Variants in CUL7 observed in about 807,000 individuals in gnomAD.
CUL7 encodes the protein cullin 7.
In CUL7, 96 loss-of-function variants were observed where a neutral mutation model predicts 177.7. The observed-to-expected ratio is 0.54, with a 90% CI of 0.46 to 0.64. The LOEUF is 0.64. Ranked by LOEUF, CUL7 falls within the 30% of genes least tolerant of loss-of-function variation. The pLI is 0.00. For synonymous variants in CUL7, 824 were observed against 890.2 expected (o/e 0.93, Z 1.32); for missense variants, 1,893 against 2,187.9 (o/e 0.87, Z 2.69).
chr6:43,041,865 G>A lies in CUL7; in HGVS notation c.3646-790C>T, dbSNP rs560706885. ...CTAAAAATACAAAAATTGGCTGGGCGTGGTAGCATGCACCTGTAATCCCAG... is the reference window on the plus strand; with the variant it reads ...CTAAAAATACAAAAATTGGCTGGGCATGGTAGCATGCACCTGTAATCCCAG... On this transcript the variant is annotated intron_variant, in intron 19 of 25. Coordinates refer to ENST00000265348, the MANE Select transcript of CUL7 (RefSeq NM_014780.5). 4.6e-5 allele frequency among the ~76,000 whole-genome samples: 7 copies of A among 152,036 alleles called. No individual in the cohort carries two copies. In the South Asian group the frequency reaches 6.2e-4, roughly 14 times the overall value.
chr6:43,045,370 C>G lies in CUL7; in HGVS notation c.2895G>C (p.Glu965Asp). ...GGIDTRIRGLEILGPKPTFWP... is the reference protein window; with the variant it reads ...GGIDTRIRGLDILGPKPTFWP... ...AGAACGTGGGCTTGGGGCCTAGGAT[C>G]TCTAACCCCCGAATGCGCGTATCAA... Residue 965 changes from glutamate to aspartate, a missense_variant, in exon 15 of 26, where the codon GAG (glutamate) becomes GAC (aspartate). This residue lies in a region of CUL7 where 973 missense variants were observed against 1,140.9 expected (regional missense o/e 0.85). Transcript: ENST00000265348. This position sits in a 1 kb window ranked among gnomAD's most constrained non-coding sequence, Gnocchi z 4.8. The G allele has an allele frequency of 1.2e-6, 2 of 1,614,238 alleles. No homozygotes were observed. Among genetic ancestry groups the G allele is most frequent in the Non-Finnish European group, 1.7e-6 (2 of 1,180,046 alleles).
At position 43,051,196 on chromosome 6, in the gene CUL7, C is replaced by T. The variant is rs201310376; in HGVS notation, c.1005G>A (p.Leu335=). 9.3e-5 allele frequency: 150 copies of T among 1,614,200 alleles called. 2 individuals are homozygous for T. In the East Asian group the frequency reaches 3.2e-3, roughly 35 times the overall value. ...CGGGGAGCCCTGGGCTCACATCTGC[C>T]AGCTGAGGCTGGAAGATGGAACCGG... is the stretch of plus-strand genomic sequence containing the variant. ...RSPGSIFQPQ[L]ADVSPGLPAA... Residue 335 remains leucine (L), a synonymous_variant, in exon 4 of 26, where the codon CTG becomes CTA. Transcript: ENST00000265348. The surrounding 1 kb of genome is among the most constrained non-coding windows in gnomAD (Gnocchi z 5.0).
In CUL7 at chr6:43,045,869, C is replaced by G; in HGVS notation, c.2766+117G>C. ...ACAAGCACAGGGATAAAGGACACTA[C>G]TTTCTGTGGGGCTCAAGACAGGTGG... On this transcript the variant is annotated intron_variant, in intron 13 of 25. Transcript: ENST00000265348. This position sits in a 1 kb window ranked among gnomAD's most constrained non-coding sequence, Gnocchi z 4.8. 1 of 1,090,924 alleles carries G rather than the reference C, an allele frequency of 9.2e-7. No individual in the cohort carries two copies. Among genetic ancestry groups the G allele is most frequent in the Non-Finnish European group, 1.4e-6 (1 of 724,934 alleles). The allele number at this position is 1,090,924 out of a possible 1,614,324, so 67.6% of individuals were successfully genotyped here.
Position 43,051,666 on chromosome 6 carries a change from T to C in CUL7, c.678A>G (p.Ala226=). 1 of 1,614,170 alleles carries C rather than the reference T, an allele frequency of 6.2e-7. No homozygotes were observed. Among genetic ancestry groups the C allele is most frequent in the Non-Finnish European group, 8.5e-7 (1 of 1,180,030 alleles). ...TGGGGTGTTCAGAGAGCGTGGCCTG[T>C]GCAAACAGTGCTAGCAGAGCACAGC... ...DSRCALLALF[A]QATLSEHPMS... The change falls in exon 3 of 26, where the codon GCA becomes GCG. Residue 226 remains alanine (A), a synonymous_variant. Coordinates refer to ENST00000265348, the MANE Select transcript of CUL7 (RefSeq NM_014780.5). This position sits in a 1 kb window ranked among gnomAD's most constrained non-coding sequence, Gnocchi z 5.0.
At chr6:43,047,253 CA>C in intron 9 of CUL7, 146 bp from the exon 10 acceptor site, 2 of 661,178 alleles carry the variant, frequency 3.0e-6, no homozygotes. Context: ...AGTGAAAAGA[CA>C]GGGATGGGGA....
At position 43,048,461 on chromosome 6, in the gene CUL7, T is replaced by G; in HGVS notation, c.1934A>C (p.Glu645Ala). The G allele has an allele frequency of 6.2e-7, 1 of 1,614,060 alleles. No homozygotes were observed. The highest frequency in any genetic ancestry group is 8.5e-7 in the Non-Finnish European group (1 of 1,179,980). The change falls in exon 8 of 26, where the codon GAG becomes GCG. Residue 645 changes from glutamate to alanine, a missense_variant. Coordinates refer to ENST00000265348, the MANE Select transcript of CUL7 (RefSeq NM_014780.5). ...LLDLEQALSSEGTQENKVKPL... is the reference protein window; with the variant it reads ...LLDLEQALSSAGTQENKVKPL... ...CTTGACCTTGTTCTCCTGGGTCCCC[T>G]CTGAGCTGAGGGCTTGCTCTAGATC...
rs920269394 is a variant in CUL7, at chr6:43,050,889, G to GC, written c.1233+78dup. ...CTTTCTCTTTGGGTGGCCTGCTGGA[G>GC]CCCCCCCATATAGAAGTCCCAGCTC... is the stretch of plus-strand genomic sequence containing the variant. On this transcript the variant is annotated intron_variant, in intron 4 of 25. Coordinates refer to ENST00000265348, the MANE Select transcript of CUL7 (RefSeq NM_014780.5). This position sits in a 1 kb window ranked among gnomAD's most constrained non-coding sequence, Gnocchi z 4.1. The GC allele has an allele frequency of 3.7e-5, 57 of 1,553,394 alleles. 1 individual carries two copies. Among genetic ancestry groups the GC allele is most frequent in the South Asian group, 1.3e-4 (12 of 89,474 alleles).
In CUL7 at chr6:43,040,322, CTCCTCCTCT is replaced by C. The variant is rs761927982; in HGVS notation, c.4119_4127del (p.Glu1374_Glu1376del). 5.6e-6 allele frequency: 9 copies of C among 1,613,826 alleles called. No individual in the cohort carries two copies. The highest frequency in any genetic ancestry group is 3.3e-4 in the Middle Eastern group (2 of 6,060). ...CCCCTTCATAGTAGAGGTCCTCATT[CTCCTCCTCT>C]TCCTCCTCTCCCTCCGCCACATCCA... On this transcript the variant is annotated inframe_deletion, in exon 22 of 26. Transcript: ENST00000265348. This position sits in a 1 kb window ranked among gnomAD's most constrained non-coding sequence, Gnocchi z 4.2.
Position 43,051,916 on chromosome 6 carries a change from T to TAC in CUL7, c.581-155_581-154dup, listed in dbSNP as rs753634267. The stretch of plus-strand genomic sequence containing the variant: ...GCTAAAATTTGCTAACTTATACACA[T>TAC]ACACACACACACGCACATAAACACG... On this transcript the variant is annotated intron_variant, in intron 2 of 25. Transcript: ENST00000265348. The surrounding 1 kb of genome is among the most constrained non-coding windows in gnomAD (Gnocchi z 5.0). 1.8e-4 allele frequency among the ~76,000 whole-genome samples: 27 copies of TAC among 152,098 alleles called. No individual in the cohort carries two copies. Among genetic ancestry groups the TAC allele is most frequent in the African/African-American group, 5.8e-4 (24 of 41,512 alleles).
rs1763067048 is a variant in CUL7 at position 43,037,766 on chromosome 6, G to C, written c.5019C>G (p.Phe1673Leu). The part of the protein sequence containing the change: ...GSSGPNPPLT[F>L]HTLQIRSRGV... ...CCCGGGAGCGAATCTGTAGGGTATGGAAGGTGAGGGGTGGGTTGGGGCCTG... is the reference window on the plus strand; with the variant it reads ...CCCGGGAGCGAATCTGTAGGGTATGCAAGGTGAGGGGTGGGTTGGGGCCTG... The change falls in exon 26 of 26, where the codon TTC (phenylalanine) becomes TTG (leucine). Residue 1673 changes from phenylalanine (F) to leucine (L), a missense_variant. By Grantham distance (22) the Phe-to-Leu change is conservative. Transcript: ENST00000265348. 1 of 1,589,166 alleles carries C rather than the reference G, an allele frequency of 6.3e-7. No individual in the cohort carries two copies. Among genetic ancestry groups the C allele is most frequent in the East Asian group, 2.3e-5 (1 of 43,728 alleles).
rs899663211 is a variant in CUL7 at position 43,053,795 on chromosome 6, C to G, written c.-182G>C. On this transcript the variant is annotated 5_prime_UTR_variant, in exon 1 of 26. Transcript: ENST00000265348. The surrounding 1 kb of genome is among the most constrained non-coding windows in gnomAD (Gnocchi z 4.1). Reference sequence around the variant, plus strand: ...GAGCTGCACCCGCGTGAGTCGGCAGCCACTGGGGCAGGGTGGGGCCCGGTC... The same window carrying G: ...GAGCTGCACCCGCGTGAGTCGGCAGGCACTGGGGCAGGGTGGGGCCCGGTC... 16 of 1,532,080 alleles carry G rather than the reference C, an allele frequency of 1.0e-5. No individual in the cohort carries two copies. The highest frequency in any genetic ancestry group is 1.4e-5 in the Non-Finnish European group (16 of 1,145,786). 94.9% of individuals were successfully genotyped at this position (1,532,080 alleles called of 1,614,324 possible).
rs776371723 is a variant in CUL7 at position 43,049,960 on chromosome 6, T to C, written c.1569+3A>G. On this transcript the variant is annotated splice_donor_region_variant and intron_variant, in intron 6 of 25. Coordinates refer to ENST00000265348, the MANE Select transcript of CUL7 (RefSeq NM_014780.5). ...CCTCTGAGTGTCTCCAGGCTGGCTC[T>C]ACCTCCCCATCTAGGTTCTCCTGGA... 4 of 1,613,596 alleles carry C rather than the reference T, an allele frequency of 2.5e-6. No homozygotes were observed. Among genetic ancestry groups the C allele is most frequent in the Non-Finnish European group, 2.5e-6 (3 of 1,179,810 alleles).
Position 43,045,186 on chromosome 6 carries a change from C to T in CUL7, c.3038+41G>A, listed in dbSNP as rs1167019422. 1 of 1,598,380 alleles carries T rather than the reference C, an allele frequency of 6.3e-7. No individual in the cohort carries two copies. Among genetic ancestry groups the T allele is most frequent in the Admixed American group, 1.8e-5 (1 of 56,604 alleles). ...TGCCAGCTATTTGCAATAGCCTTAC[C>T]TTTCCCACAGACACAAGCATACACG... On this transcript the variant is annotated intron_variant, in intron 15 of 25. Coordinates refer to ENST00000265348, the MANE Select transcript of CUL7 (RefSeq NM_014780.5). This position sits in a 1 kb window ranked among gnomAD's most constrained non-coding sequence, Gnocchi z 4.8.
At chr6:43,041,106 G>A in intron 19 of CUL7, 31 bp from the exon 20 acceptor site, 1 of 1,611,272 alleles carries the variant, frequency 6.2e-7, no homozygotes, top group Non-Finnish European at 8.5e-7. Context: ...GGAAAGCCAT[G>A]AATGAGCGAG....
rs752825990 is a variant in CUL7, at chr6:43,043,549, C to T, written c.3254G>A (p.Arg1085His). The change falls in exon 17 of 26, where the codon CGC becomes CAC. Residue 1085 changes from arginine (R) to histidine (H), a missense_variant. Arg to His is a conservative substitution (Grantham distance 29). Coordinates refer to ENST00000265348, the MANE Select transcript of CUL7 (RefSeq NM_014780.5). This position sits in a 1 kb window ranked among gnomAD's most constrained non-coding sequence, Gnocchi z 4.2. ...CQEAVFNPQS[R>H]GPAFFSRVRR... ...CACCCGCGAGAAGAAAGCTGGGCCG[C>T]GGCTCTGGGGGTTGAAGACAGCTTC... The T allele has an allele frequency of 4.5e-5, 73 of 1,613,842 alleles. No homozygotes were observed. In the Middle Eastern group the frequency reaches 4.9e-4, roughly 11 times the overall value.
At chr6:43,049,175 T>G (rs1236305916) in intron 7 of CUL7, among the ~76,000 whole-genome samples, 1 of 152,218 alleles carries the variant, frequency 6.6e-6, no homozygotes, top group Non-Finnish European at 1.5e-5. Flanking sequence ...AAAAGCTAAA[T>G]GTGGGGGCTT....
chr6:43,046,069 T>G lies in CUL7; in HGVS notation c.2683A>C (p.Ser895Arg). 1.2e-6 allele frequency: 2 copies of G among 1,614,136 alleles called. No homozygotes were observed. The highest frequency in any genetic ancestry group is 1.7e-6 in the Non-Finnish European group (2 of 1,179,996). ...GCCGGCATGTAACTCGAGTCCTCAC[T>G]AGCCACAAGCAGAGTCAGTTGCCTG... ...LIRQLTLLVA[S>R]EDSSYMPARV... is the part of the protein sequence containing the mutation. Residue 895 changes from serine (S) to arginine (R), a missense_variant, in exon 13 of 26, where the codon AGT becomes CGT. Ser to Arg is a moderately radical substitution (Grantham distance 110). Around this residue, in one of 5 missense-constraint regions of CUL7, gnomAD observed 973 missense variants for 1,140.9 expected, o/e 0.85. Coordinates refer to ENST00000265348, the MANE Select transcript of CUL7 (RefSeq NM_014780.5).
chr6:43,050,449 A>T lies in CUL7; in HGVS notation c.1234-51T>A, dbSNP rs1200969420. Reference sequence around the variant, plus strand: ...AAGGGGAAGGGAGGACTCACAAATGACTGGCTGTGGCCCAGTACTGAGGAC... The same window carrying T: ...AAGGGGAAGGGAGGACTCACAAATGTCTGGCTGTGGCCCAGTACTGAGGAC... On this transcript the variant is annotated intron_variant, in intron 4 of 25. Transcript: ENST00000265348. This position sits in a 1 kb window ranked among gnomAD's most constrained non-coding sequence, Gnocchi z 4.1. 6.2e-7 allele frequency: 1 copy of T among 1,610,142 alleles called. No homozygotes were observed. The highest frequency in any genetic ancestry group is 8.5e-7 in the Non-Finnish European group (1 of 1,178,350).
In CUL7 at chr6:43,053,814, C is replaced by G. The variant is rs1391184890; in HGVS notation, c.-201G>C. The G allele has an allele frequency of 6.5e-7, 1 of 1,532,890 alleles. No homozygotes were observed. The highest frequency in any genetic ancestry group is 8.7e-7 in the Non-Finnish European group (1 of 1,146,342). The allele number at this position is 1,532,890 out of a possible 1,614,324, so 95.0% of individuals were successfully genotyped here. A position where few individuals can be genotyped will look rare whatever the true frequency, so the allele number is the denominator to read the frequency against. ...CGGCAGCCACTGGGGCAGGGTGGGG[C>G]CCGGTCCCTGCCAGCGGCTCCGCCA... On this transcript the variant is annotated 5_prime_UTR_variant, in exon 1 of 26. Transcript: ENST00000265348. This position sits in a 1 kb window ranked among gnomAD's most constrained non-coding sequence, Gnocchi z 4.1.
Sources: allele counts gnomAD v4.1 joint callset (sites outside exome capture counted in the v4.1 genomes callset), GRCh38; gene constraint gnomAD v4.1.1; regional missense constraint gnomAD v4.1.1; non-coding constraint Gnocchi (gnomAD v3.1); transcripts MANE v1.5; gene names NCBI Gene and HGNC (gene_info 2026-07-23, HGNC 2026-07-21).